CACNA2D2: variants seen among roughly 807,000 people sequenced by gnomAD.
CACNA2D2 encodes the protein voltage-dependent calcium channel subunit alpha-2/delta-2.
A neutral mutation model predicts 166.4 loss-of-function variants in CACNA2D2; 48 were observed. The ratio of observed to expected loss-of-function variants is 0.29; its 90% CI spans 0.23 to 0.37. The LOEUF is 0.37. Among genes scored for constraint, CACNA2D2 ranks in the 10% least tolerant of loss-of-function variants. The probability of loss-of-function intolerance (pLI) is 1.00; values close to 1 mark genes in which losing one functional copy is unlikely to be tolerated. For missense variants in CACNA2D2, 1,122 were observed against 1,433.0 expected, an observed-to-expected ratio of 0.78 and a Z score of 3.50; for synonymous variants, 561 against 573.7, an observed-to-expected ratio of 0.98 and a Z score of 0.32.
At chr3:50,447,760 G>T (rs1229885176) in intron 2 of CACNA2D2, among the ~76,000 whole-genome samples, 1 of 152,092 alleles carries the variant, frequency 6.6e-6, no homozygotes, top group African/African-American at 2.4e-5. Context: ...CTCCCTGCCT[G>T]CTTGCCCAGA....
intron 1 of CACNA2D2, among the ~76,000 whole-genome samples, chr3:50,479,034 G>T (rs754870952): frequency 6.6e-6 from 1 of 152,104 alleles, no homozygotes; most frequent in African/African-American, 2.4e-5. Flanking sequence ...GTTTTATTTT[G>T]CTCAGACAAC....
At position 50,379,469 on chromosome 3, in the gene CACNA2D2, T is replaced by C; in HGVS notation, c.1115A>G (p.Lys372Arg). The change falls in exon 11 of 38, where the codon AAG becomes AGG. Residue 372 changes from lysine to arginine, a missense_variant. By Grantham distance (26) the Lys-to-Arg change is conservative. Transcript: ENST00000424201. This position sits in a 1 kb window ranked among gnomAD's most constrained non-coding sequence, Gnocchi z 6.5. ...GTCAAAGGCATACTCAAAGCCGGCC[T>C]TGTAGCCTGTGGTGCCCTTGGCCAC... ...GMVAKGTTGY[K>R]AGFEYAFDQL... is the part of the protein sequence containing the mutation. The C allele has an allele frequency of 6.2e-7, 1 of 1,613,944 alleles. No homozygotes were observed. The highest frequency in any genetic ancestry group is 8.5e-7 in the Non-Finnish European group (1 of 1,180,014).
At chr3:50,446,015 G>A (rs896126255) in intron 2 of CACNA2D2, among the ~76,000 whole-genome samples, 1 of 152,140 alleles carries the variant, frequency 6.6e-6, no homozygotes, top group African/African-American at 2.4e-5. Context: ...TTACCTTCCC[G>A]CATCCGTGCA....
intron 4 of CACNA2D2, among the ~76,000 whole-genome samples, chr3:50,387,837 C>A (rs1296917536): frequency 6.6e-6 from 1 of 152,184 alleles, no homozygotes; most frequent in Non-Finnish European, 1.5e-5. Flanking sequence ...CATGCAGTAC[C>A]CCTCGACTGA....
intron 1 of CACNA2D2, among the ~76,000 whole-genome samples, chr3:50,483,847 A>G (rs1698164462): frequency 6.6e-6 from 1 of 152,078 alleles, no homozygotes. Context: ...CAGGGATCTC[A>G]CTGCACTGCC....
chr3:50,387,028 T>C (rs1436382745), intron 5 of CACNA2D2, among the ~76,000 whole-genome samples: 1 of 151,870 alleles, frequency 6.6e-6, no homozygotes, highest in Non-Finnish European at 1.5e-5. Flanking sequence ...AGCCAGTGAG[T>C]GACATGGAGG....
chr3:50,498,011 C>G (rs1698793851), intron 1 of CACNA2D2, among the ~76,000 whole-genome samples: 1 of 152,160 alleles, frequency 6.6e-6, no homozygotes, highest in Non-Finnish European at 1.5e-5. Flanking sequence ...CCCCTCATGT[C>G]CTCCCCAGCA....
intron 1 of CACNA2D2, among the ~76,000 whole-genome samples, chr3:50,492,190 G>A (rs1035738154): frequency 2.0e-5 from 3 of 152,236 alleles, no homozygotes; most frequent in East Asian, 1.9e-4. Context: ...TATGCGTTAC[G>A]TCCGTGGCTG....
chr3:50,388,709 C>T (rs1705731435), intron 4 of CACNA2D2, among the ~76,000 whole-genome samples: 1 of 152,212 alleles, frequency 6.6e-6, no homozygotes, highest in Non-Finnish European at 1.5e-5. Context: ...CTCTGAGCCC[C>T]AGGCTCCCCC....
At position 50,363,466 on chromosome 3, in the gene CACNA2D2, C is replaced by CTGTG. The variant is rs10575478; in HGVS notation, c.*1196_*1199dup. The CTGTG allele has an allele frequency of 1.3e-3, 457 of 352,914 alleles. No individual in the cohort carries two copies. The highest frequency in any genetic ancestry group is 1.8e-3 in the Admixed American group (29 of 16,106). 21.9% of individuals were successfully genotyped at this position (352,914 alleles called of 1,614,324 possible). A position where few individuals can be genotyped will look rare whatever the true frequency, so the allele number is the denominator to read the frequency against. On this transcript the variant is annotated 3_prime_UTR_variant, in exon 38 of 38. Coordinates refer to ENST00000424201, the MANE Select transcript of CACNA2D2 (RefSeq NM_006030.4). ...GTGAAGAGCTGTGCCCAGTCCCCAC[C>CTGTG]TGTGTGTGTGTGTGTGTGTGTGTGT... is the stretch of plus-strand genomic sequence containing the variant.
chr3:50,468,891 C>T (rs1472900447), intron 2 of CACNA2D2, among the ~76,000 whole-genome samples: 2 of 147,570 alleles, frequency 1.4e-5, no homozygotes, highest in Non-Finnish European at 3.0e-5. Context: ...TGCAGTGGAG[C>T]GATCTCGGCT....
At chr3:50,476,367 A>C (rs1247940435) in intron 1 of CACNA2D2, among the ~76,000 whole-genome samples, 168 bp from the exon 2 acceptor site, 1 of 152,210 alleles carries the variant, frequency 6.6e-6, no homozygotes, top group Admixed American at 6.5e-5. Flanking sequence ...TCCCCTTTGA[A>C]GTCCAGACCC....
At chr3:50,410,880 A>ATG (rs143016186) in intron 3 of CACNA2D2, among the ~76,000 whole-genome samples, 7 of 152,076 alleles carry the variant, frequency 4.6e-5, no homozygotes, top group Non-Finnish European at 1.0e-4. Context: ...GAGAAGGAGG[A>ATG]TGTGTGTGTG....
intron 2 of CACNA2D2, among the ~76,000 whole-genome samples, chr3:50,473,243 C>T (rs556512278): frequency 6.6e-6 from 1 of 152,320 alleles, no homozygotes; most frequent in Admixed American, 6.5e-5. Flanking sequence ...CCCAGCCATG[C>T]CCTCATGGGG....
At chr3:50,454,235 C>G (rs146560821) in intron 2 of CACNA2D2, among the ~76,000 whole-genome samples, 1 of 152,174 alleles carries the variant, frequency 6.6e-6, no homozygotes, top group Admixed American at 6.5e-5. Flanking sequence ...GGCTAGGAAC[C>G]GAGTCCAGGA....
At chr3:50,490,590 T>C (rs981236616) in intron 1 of CACNA2D2, among the ~76,000 whole-genome samples, 11 of 152,268 alleles carry the variant, frequency 7.2e-5, no homozygotes, top group African/African-American at 2.7e-4. Context: ...CTATGCCCTC[T>C]GGCTCCAGCA....
At chr3:50,443,746 C>T (rs750112521) in intron 2 of CACNA2D2, among the ~76,000 whole-genome samples, 3 of 152,252 alleles carry the variant, frequency 2.0e-5, no homozygotes, top group Non-Finnish European at 4.4e-5. Flanking sequence ...CCTTCACCCT[C>T]GTGCCCCCAT....
intron 3 of CACNA2D2, among the ~76,000 whole-genome samples, chr3:50,417,683 G>A (rs1350556420): frequency 6.6e-6 from 1 of 152,170 alleles, no homozygotes; most frequent in Non-Finnish European, 1.5e-5. Context: ...CAGGCTCCAG[G>A]TTTGCACCTG....
At chr3:50,479,296 C>T (rs1697942506) in intron 1 of CACNA2D2, among the ~76,000 whole-genome samples, 2 of 152,140 alleles carry the variant, frequency 1.3e-5, no homozygotes, top group Non-Finnish European at 2.9e-5. Flanking sequence ...CACATGTCCT[C>T]CCAAGGTCTA....
Sources: gnomAD v4.1 joint callset for allele counts (sites outside exome capture counted in the v4.1 genomes callset) on GRCh38, gnomAD v4.1.1 for gene constraint, Gnocchi (gnomAD v3.1) non-coding constraint, MANE v1.5 for transcripts, NCBI Gene and HGNC (gene_info 2026-07-23, HGNC 2026-07-21) for gene names.